The following ACSL3 variants were observed in gnomAD, a reference collection of about 807,000 sequenced individuals.
The protein encoded by ACSL3 is fatty acid CoA ligase Acsl3.
ACSL3 carries 34 observed loss-of-function variants against 84.7 expected under a neutral mutation model. The observed-to-expected ratio is 0.40, with a 90% CI of 0.31 to 0.53. The LOEUF (loss-of-function observed/expected upper bound fraction) is 0.53, where lower values mean the gene tolerates loss of function less well. Ranked by LOEUF, ACSL3 falls within the 20% of genes least tolerant of loss-of-function variation. ACSL3 has a pLI of 0.48. For missense variants in ACSL3, 680 were observed against 873.1 expected (o/e 0.78, Z 2.79); for synonymous variants, 315 against 299.4 (o/e 1.05, Z -0.54).
chr2:222,897,782 C>A (rs1574536255), intron 2 of ACSL3, among the ~76,000 whole-genome samples: 1 of 40,858 alleles, frequency 2.4e-5, no homozygotes, highest in Admixed American at 2.6e-4. Flanking sequence ...ACCAGTCAGG[C>A]GTGGTGACGC....
At chr2:222,889,455 C>T (rs754164231) in intron 2 of ACSL3, among the ~76,000 whole-genome samples, 16 of 152,118 alleles carry the variant, frequency 1.1e-4, no homozygotes, top group Admixed American at 6.6e-5. Flanking sequence ...TCTTGAATCC[C>T]GAAACTTAGA....
At chr2:222,935,743 T>C (rs1327175939) in intron 16 of ACSL3, among the ~76,000 whole-genome samples, 6 of 152,244 alleles carry the variant, frequency 3.9e-5, no homozygotes, top group Admixed American at 3.3e-4. Flanking sequence ...ACTTTATGTC[T>C]TTAATTTTGC....
chr2:222,907,133 A>G lies in ACSL3; in HGVS notation c.-40-1600A>G, dbSNP rs148364952. Among the ~76,000 whole-genome samples the G allele has an allele frequency of 5.1e-4, 77 of 152,266 alleles. 1 individual carries two copies. The highest frequency in any genetic ancestry group is 1.6e-3 in the African/African-American group (68 of 41,572). On this transcript the variant is annotated intron_variant, in intron 3 of 16. Transcript: ENST00000357430. ...CTGTGAGTGGTCTACTAGGCCATCA[A>G]TGTACCCATCAGTCTTCTCTGTTTG...
chr2:222,937,920 T>G (rs1028012720), intron 16 of ACSL3, among the ~76,000 whole-genome samples: 1 of 152,158 alleles, frequency 6.6e-6, no homozygotes. Context: ...ATAATTACAT[T>G]CTTTGATTCC....
In ACSL3 at chr2:222,943,172, AGT is replaced by A. The variant is rs1445254801; in HGVS notation, c.*1525_*1526del. ...GTGTTAGGAGCAGCCAGGACTGTGT[AGT>A]GTGTGTTTGGTTGCATCACAAACAT... On this transcript the variant is annotated 3_prime_UTR_variant, in exon 17 of 17. Coordinates refer to ENST00000357430, the MANE Select transcript of ACSL3 (RefSeq NM_004457.5). 4.0e-5 allele frequency: 9 copies of A among 224,652 alleles called. No homozygotes were observed. The highest frequency in any genetic ancestry group is 6.4e-5 in the East Asian group (1 of 15,618). 13.9% of individuals were successfully genotyped at this position (224,652 alleles called of 1,614,324 possible). A position where few individuals can be genotyped will look rare whatever the true frequency, so the allele number is the denominator to read the frequency against.
At chr2:222,905,100 T>C (rs888802290) in intron 3 of ACSL3, 2 of 152,218 alleles carry the variant, frequency 1.3e-5, no homozygotes, top group African/African-American at 4.8e-5. Context: ...TGTTCAGGGG[T>C]GGTAAGAGCT....
chr2:222,878,188 A>G (rs1695499594), intron 1 of ACSL3, among the ~76,000 whole-genome samples: 1 of 152,336 alleles, frequency 6.6e-6, no homozygotes, highest in African/African-American at 2.4e-5. Context: ...GAGTTGAAAG[A>G]TTTGAATATA....
chr2:222,916,517 T>C (rs1307405870), intron 5 of ACSL3, 21 bp downstream of exon 5: 1 of 1,525,958 alleles, frequency 6.6e-7, no homozygotes, highest in Middle Eastern at 1.8e-4. Flanking sequence ...TTTCTTATCT[T>C]CTGGAAGAAT....
rs148144035 is a variant in ACSL3, at chr2:222,925,506, T to C, written c.1292+911T>C. On this transcript the variant is annotated intron_variant, in intron 11 of 16. Coordinates refer to ENST00000357430, the MANE Select transcript of ACSL3 (RefSeq NM_004457.5). ...TACTTCAGGGACTGAAGTAGGAGGA[T>C]TGTTTGGGCCCCCAGTGGGAGGATT... Among the ~76,000 whole-genome samples, 13 of 151,946 alleles carry C rather than the reference T, an allele frequency of 8.6e-5. No homozygotes were observed. The East Asian group carries it at 2.5e-3, about 29-fold the overall frequency.
intron 11 of ACSL3, among the ~76,000 whole-genome samples, chr2:222,926,038 AAGTCGGCCCTCTGTATCAAC>A (rs1176369412): frequency 6.6e-6 from 1 of 152,198 alleles, no homozygotes; most frequent in Non-Finnish European, 1.5e-5. Flanking sequence ...GTGAGTTGTA[AAGTCGGCCCTCTGTATCAAC>A]AGGTTCCACA....
Position 222,908,804 on chromosome 2 carries a change from C to T in ACSL3, c.32C>T (p.Thr11Ile). 1 of 1,603,362 alleles carries T rather than the reference C, an allele frequency of 6.2e-7. No individual in the cohort carries two copies. Among genetic ancestry groups the T allele is most frequent in the Non-Finnish European group, 8.5e-7 (1 of 1,177,244 alleles). Residue 11 changes from threonine (T) to isoleucine (I), a missense_variant, in exon 4 of 17, where the codon ACC becomes ATC. Around this residue, in one of 2 missense-constraint regions of ACSL3, gnomAD observed 333 missense variants for 347.5 expected, o/e 0.96. Coordinates refer to ENST00000357430, the MANE Select transcript of ACSL3 (RefSeq NM_004457.5). ...AACCACGTGTCTTCAAAACCATCTACCATGAAGCTAAAACATACCATCAAC... is the reference window on the plus strand; with the variant it reads ...AACCACGTGTCTTCAAAACCATCTATCATGAAGCTAAAACATACCATCAAC... MNNHVSSKPS[T>I]MKLKHTINPI...
chr2:222,910,650 A>G (rs1696418343), intron 4 of ACSL3, among the ~76,000 whole-genome samples: 1 of 152,226 alleles, frequency 6.6e-6, no homozygotes, highest in South Asian at 2.1e-4. Context: ...AGTAATTCCT[A>G]GAAACTAAAA....
At chr2:222,925,758 T>C (rs1207379690) in intron 11 of ACSL3, among the ~76,000 whole-genome samples, 1 of 152,242 alleles carries the variant, frequency 6.6e-6, no homozygotes, top group Non-Finnish European at 1.5e-5. Context: ...AAATAGTTTC[T>C]CTTTTGCTTT....
Position 222,932,937 on chromosome 2 carries a change from CAAAA to C in ACSL3, c.1733-208_1733-205del, listed in dbSNP as rs1185693067. On this transcript the variant is annotated intron_variant, in intron 14 of 16. Coordinates refer to ENST00000357430, the MANE Select transcript of ACSL3 (RefSeq NM_004457.5). ...TGGGCGACAGAGCGAGACTCCGTCTCAAAAAAAAAAAAAAAAAAAAAAAAGCATG... is the reference window on the plus strand; with the variant it reads ...TGGGCGACAGAGCGAGACTCCGTCTCAAAAAAAAAAAAAAAAAAAAGCATG... 20 of 4,004 alleles carry C rather than the reference CAAAA, an allele frequency of 5.0e-3. 1 individual carries two copies. Among genetic ancestry groups the C allele is most frequent in the South Asian group, 0.016 (1 of 64 alleles). The allele number at this position is 4,004 out of a possible 1,614,324, so 0.2% of individuals were successfully genotyped here.
In ACSL3 at chr2:222,942,665, GTT is replaced by G. The variant is rs1195686325; in HGVS notation, c.*1013_*1014del. The G allele has an allele frequency of 4.8e-6, 1 of 207,398 alleles. No homozygotes were observed. Among genetic ancestry groups the G allele is most frequent in the Non-Finnish European group, 9.8e-6 (1 of 102,014 alleles). 12.8% of individuals were successfully genotyped at this position (207,398 alleles called of 1,614,324 possible). On this transcript the variant is annotated 3_prime_UTR_variant, in exon 17 of 17. Transcript: ENST00000357430. Reference sequence around the variant, plus strand: ...CATTTTAAAATTAGTGTTTTTCCTAGTTTGCACTGATGCGTGTATGGATGTGT... The same window carrying G: ...CATTTTAAAATTAGTGTTTTTCCTAGTGCACTGATGCGTGTATGGATGTGT...
rs745822315 is a variant in ACSL3, at chr2:222,927,155, C to T, written c.1431C>T (p.Leu477=). ...FCCPVGQGYG[L]TESAGAGTIS... is the part of the protein sequence containing the mutation. ...GTCCTGTTGGTCAGGGATACGGGCT[C>T]ACTGAATCTGCTGGGGCTGGAACAA... Residue 477 remains leucine, a synonymous_variant, in exon 12 of 17, where the codon CTC becomes CTT. Coordinates refer to ENST00000357430, the MANE Select transcript of ACSL3 (RefSeq NM_004457.5). The T allele has an allele frequency of 6.2e-7, 1 of 1,613,988 alleles. No homozygotes were observed. Among genetic ancestry groups the T allele is most frequent in the Non-Finnish European group, 8.5e-7 (1 of 1,179,876 alleles).
At chr2:222,939,586 G>T (rs1053200478) in intron 16 of ACSL3, among the ~76,000 whole-genome samples, 1 of 152,198 alleles carries the variant, frequency 6.6e-6, no homozygotes, top group Non-Finnish European at 1.5e-5. Context: ...CACCCCAGAA[G>T]TCAGAATATT....
intron 11 of ACSL3, among the ~76,000 whole-genome samples, chr2:222,925,037 A>G (rs1696842038): frequency 6.6e-6 from 1 of 151,194 alleles, no homozygotes. Flanking sequence ...TCTCAAAAAA[A>G]AAAAAAAAAT....
At chr2:222,906,666 G>C (rs1006860054) in intron 3 of ACSL3, among the ~76,000 whole-genome samples, 2 of 150,806 alleles carry the variant, frequency 1.3e-5, no homozygotes, top group African/African-American at 4.9e-5. Context: ...CTGGGCTGGA[G>C]TGCAGTGGCG....
Sources: gnomAD v4.1 joint callset for allele counts (sites outside exome capture counted in the v4.1 genomes callset) on GRCh38, gnomAD v4.1.1 for gene constraint, gnomAD v4.1.1 regional missense constraint, MANE v1.5 for transcripts, NCBI Gene and HGNC (gene_info 2026-07-23, HGNC 2026-07-21) for gene names.